Variants in NCAM1 observed in about 807,000 individuals in gnomAD.
NCAM1 encodes the protein neural cell adhesion molecule 1.
A neutral mutation model predicts 109.8 loss-of-function variants in NCAM1; 14 were observed. That is an observed-to-expected ratio of 0.13 (90% confidence interval 0.08 to 0.20). The LOEUF (loss-of-function observed/expected upper bound fraction) is 0.20, where lower values mean the gene tolerates loss of function less well. Among genes scored for constraint, NCAM1 ranks in the 10% least tolerant of loss-of-function variants. The pLI, the probability that NCAM1 is intolerant of heterozygous loss-of-function variation, is 1.00. For missense variants in NCAM1, 774 were observed against 1,109.9 expected (o/e 0.70, Z 4.30); for synonymous variants, 418 against 442.9 (o/e 0.94, Z 0.70).
chr11:113,107,903 G>C (rs989984555), intron 1 of NCAM1, among the ~76,000 whole-genome samples: 1 of 152,176 alleles, frequency 6.6e-6, no homozygotes, highest in African/African-American at 2.4e-5. Context: ...TGCAACTTCT[G>C]TGTTATTAAA....
chr11:113,198,954 T>C (rs1223019869), intron 1 of NCAM1, among the ~76,000 whole-genome samples: 11 of 152,192 alleles, frequency 7.2e-5, no homozygotes, highest in African/African-American at 2.4e-4. Context: ...GAAGTGTGTT[T>C]TGTAAACTGG....
intron 17 of NCAM1, chr11:113,269,562 A>C (rs1946219939): frequency 6.5e-6 from 1 of 153,612 alleles, no homozygotes; most frequent in Non-Finnish European, 1.4e-5. Flanking sequence ...GGAGTCACCC[A>C]GGCTTCACTT....
chr11:113,227,043 A>C (rs1327718535), intron 9 of NCAM1, among the ~76,000 whole-genome samples: 2 of 152,230 alleles, frequency 1.3e-5, no homozygotes, highest in Non-Finnish European at 2.9e-5. Context: ...GAGCAAACAC[A>C]TTCAAAAGCT....
chr11:113,275,184 CT>C (rs1946376243), intron 19 of NCAM1, 82 bp from the exon 20 acceptor site: 1 of 1,560,624 alleles, frequency 6.4e-7, no homozygotes, highest in Admixed American at 1.9e-5. Context: ...CTCCTCCTCC[CT>C]GCTGTCCCCA....
At chr11:113,223,879 C>G (rs549120888) in intron 9 of NCAM1, among the ~76,000 whole-genome samples, 1 of 152,310 alleles carries the variant, frequency 6.6e-6, no homozygotes, top group South Asian at 2.1e-4. Context: ...GCCCCATGCT[C>G]TTGAGGCCAC....
chr11:112,977,349 T>G (rs1444589618), intron 1 of NCAM1: 2 of 151,868 alleles, frequency 1.3e-5, no homozygotes, highest in African/African-American at 4.8e-5. Context: ...TAAAATGCAA[T>G]TTCTAGTATT....
At chr11:113,029,802 T>C (rs1555078033) in intron 1 of NCAM1, among the ~76,000 whole-genome samples, 1 of 152,200 alleles carries the variant, frequency 6.6e-6, no homozygotes, top group African/African-American at 2.4e-5. Flanking sequence ...ATACTGTGAT[T>C]AAAAAAATTT....
intron 9 of NCAM1, among the ~76,000 whole-genome samples, chr11:113,228,262 A>C (rs1232768364): frequency 1.3e-5 from 2 of 152,208 alleles, no homozygotes; most frequent in Non-Finnish European, 2.9e-5. Context: ...AATGTGCAAA[A>C]ATCACAAGCA....
chr11:113,180,873 CTCAG>C (rs1226310555), intron 1 of NCAM1, among the ~76,000 whole-genome samples: 1 of 152,196 alleles, frequency 6.6e-6, no homozygotes, highest in African/African-American at 2.4e-5. Flanking sequence ...GGTTCAACCA[CTCAG>C]TCAATGAGTA....
intron 1 of NCAM1, among the ~76,000 whole-genome samples, chr11:113,099,461 T>A (rs1939764502): frequency 6.6e-6 from 1 of 152,222 alleles, no homozygotes; most frequent in African/African-American, 2.4e-5. Flanking sequence ...TATGCTTTCC[T>A]GGACCAGTAG....
intron 1 of NCAM1, among the ~76,000 whole-genome samples, chr11:113,124,172 C>G (rs57290077): frequency 6.6e-6 from 1 of 152,156 alleles, no homozygotes; most frequent in Non-Finnish European, 1.5e-5. Flanking sequence ...GCAGAAGACC[C>G]GGAGCTAATT....
At chr11:113,240,773 T>C in intron 14 of NCAM1, 2 of 1,613,150 alleles carry the variant, frequency 1.2e-6, no homozygotes. Flanking sequence ...CACCTTCATT[T>C]TTCTTTCTTC....
rs56220813 is a variant in NCAM1 at position 113,161,421 on chromosome 11, A to G, written c.53-40958A>G. 7.8e-3 allele frequency among the ~76,000 whole-genome samples: 1,195 copies of G among 152,236 alleles called. 18 individuals carry two copies. The highest frequency in any genetic ancestry group is 8.0e-3 in the Non-Finnish European group (541 of 68,016). ...AACCCTGTGCCCCCGAAAGAGTTCCAGGTGTTCATAAGAGGCTGCTGGAGT... is the reference window on the plus strand; with the variant it reads ...AACCCTGTGCCCCCGAAAGAGTTCCGGGTGTTCATAAGAGGCTGCTGGAGT... On this transcript the variant is annotated intron_variant, in intron 1 of 19. Transcript: ENST00000316851.
At chr11:113,272,239 T>A (rs1315262689) in intron 19 of NCAM1, among the ~76,000 whole-genome samples, 1 of 152,130 alleles carries the variant, frequency 6.6e-6, no homozygotes, top group Non-Finnish European at 1.5e-5. Flanking sequence ...GTTTTGTGTT[T>A]TCCCCCTGAA....
intron 1 of NCAM1, among the ~76,000 whole-genome samples, chr11:113,027,028 C>A (rs1442226279): frequency 6.6e-6 from 1 of 152,178 alleles, no homozygotes; most frequent in Admixed American, 6.5e-5. Context: ...CAGAGAAGGA[C>A]AACGATGAGG....
intron 14 of NCAM1, among the ~76,000 whole-genome samples, chr11:113,244,551 G>A (rs534650914): frequency 1.3e-5 from 2 of 152,246 alleles, no homozygotes; most frequent in East Asian, 3.9e-4. Context: ...AATTGCAGTG[G>A]AACTAATAGC....
At chr11:113,106,008 C>T (rs1361411521) in intron 1 of NCAM1, among the ~76,000 whole-genome samples, 2 of 151,258 alleles carry the variant, frequency 1.3e-5, no homozygotes, top group East Asian at 1.9e-4. Context: ...TTTTGTATAA[C>T]CAGTTACACA....
chr11:113,038,060 C>T (rs1555079459), intron 1 of NCAM1, among the ~76,000 whole-genome samples: 1 of 152,216 alleles, frequency 6.6e-6, no homozygotes, highest in African/African-American at 2.4e-5. Context: ...GTCCCGGGCT[C>T]CTGCCTCTGT....
intron 1 of NCAM1, among the ~76,000 whole-genome samples, chr11:113,047,594 T>G (rs140465395): frequency 1.9e-3 from 293 of 152,278 alleles, no homozygotes; most frequent in South Asian, 9.5e-3. Flanking sequence ...TTCTTGATCT[T>G]AATCCTCTGT....
Sources: allele counts gnomAD v4.1 joint callset (sites outside exome capture counted in the v4.1 genomes callset), GRCh38; gene constraint gnomAD v4.1.1; transcripts MANE v1.5; gene names NCBI Gene and HGNC (gene_info 2026-07-23, HGNC 2026-07-21).